Variants in SEPTIN9 observed in about 807,000 individuals in gnomAD.
SEPTIN9 encodes the protein septin-9.
In SEPTIN9, 13 loss-of-function variants were observed where a neutral mutation model predicts 56.6. That is an observed-to-expected ratio of 0.23 (90% CI 0.15 to 0.37). The LOEUF is 0.37. Ranked by LOEUF, SEPTIN9 falls within the 10% of genes least tolerant of loss-of-function variation. The pLI, the probability that SEPTIN9 is intolerant of heterozygous loss-of-function variation, is 1.00. For missense variants in SEPTIN9, 650 were observed against 823.1 expected, an observed-to-expected ratio of 0.79 and a Z score of 2.57; for synonymous variants, 332 against 334.1, an observed-to-expected ratio of 0.99 and a Z score of 0.07.
At chr17:77,459,929 G>A (rs907611213) in intron 3 of SEPTIN9, among the ~76,000 whole-genome samples, 1 of 152,090 alleles carries the variant, frequency 6.6e-6, no homozygotes, top group East Asian at 1.9e-4. Flanking sequence ...ACCCACCTTG[G>A]CCTCCCAAAG....
intron 2 of SEPTIN9, among the ~76,000 whole-genome samples, chr17:77,339,856 C>T (rs753220150): frequency 6.6e-5 from 10 of 151,526 alleles, no homozygotes; most frequent in South Asian, 2.1e-4. Context: ...GACAGAGTCT[C>T]GCTTTGTTGC....
rs769025074 is a variant in SEPTIN9 at position 77,488,723 on chromosome 17, G to A, written c.1125-4G>A. Reference sequence around the variant, plus strand: ...CTGCTGACTCGTCCCCATCCCCCACGCAGCTGGCAGCCCATCATGAAGTTC... The same window carrying A: ...CTGCTGACTCGTCCCCATCCCCCACACAGCTGGCAGCCCATCATGAAGTTC... On this transcript the variant is annotated splice_region_variant and splice_polypyrimidine_tract_variant and intron_variant, in intron 6 of 11. Coordinates refer to ENST00000427177, the MANE Select transcript of SEPTIN9 (RefSeq NM_001113491.2). 3 of 1,613,572 alleles carry A rather than the reference G, an allele frequency of 1.9e-6. No individual in the cohort carries two copies. Among genetic ancestry groups the A allele is most frequent in the South Asian group, 2.2e-5 (2 of 91,086 alleles).
chr17:77,336,755 A>G (rs918871201), intron 2 of SEPTIN9, among the ~76,000 whole-genome samples: 1 of 152,046 alleles, frequency 6.6e-6, no homozygotes, highest in Non-Finnish European at 1.5e-5. Context: ...CCAGTTCAGT[A>G]TTGAATAGTA....
rs1260983320 is a variant in SEPTIN9, at chr17:77,433,381, G to A, written c.721+30678G>A. On this transcript the variant is annotated intron_variant, in intron 3 of 11. Coordinates refer to ENST00000427177, the MANE Select transcript of SEPTIN9 (RefSeq NM_001113491.2). This position sits in a 1 kb window ranked among gnomAD's most constrained non-coding sequence, Gnocchi z 6.4. Reference sequence around the variant, plus strand: ...AAGGGGGTTCGCTAGGTCAGGGTGGGGCTGGGTGCGAGGACCCCCCCCGGC... The same window carrying A: ...AAGGGGGTTCGCTAGGTCAGGGTGGAGCTGGGTGCGAGGACCCCCCCCGGC... Among the ~76,000 whole-genome samples the A allele has an allele frequency of 1.3e-5, 2 of 150,490 alleles. No homozygotes were observed. The highest frequency in any genetic ancestry group is 2.1e-4 in the South Asian group (1 of 4,680).
intron 3 of SEPTIN9, among the ~76,000 whole-genome samples, chr17:77,447,927 A>G (rs536718833): frequency 6.6e-6 from 1 of 152,312 alleles, no homozygotes; most frequent in South Asian, 2.1e-4. Flanking sequence ...ACCTGGCCAC[A>G]TTCATTTCTT....
intron 1 of SEPTIN9, among the ~76,000 whole-genome samples, chr17:77,285,892 G>C (rs541112402): frequency 6.6e-6 from 1 of 152,222 alleles, no homozygotes; most frequent in Non-Finnish European, 1.5e-5. Context: ...CCAGCGCCCC[G>C]GGAGCTGACT....
Position 77,445,541 on chromosome 17 carries a change from C to T in SEPTIN9, c.722-36603C>T, listed in dbSNP as rs1440997083. On this transcript the variant is annotated intron_variant, in intron 3 of 11. Transcript: ENST00000427177. The surrounding 1 kb of genome is among the most constrained non-coding windows in gnomAD (Gnocchi z 4.7). Reference sequence around the variant, plus strand: ...GTGCACGCACGTGTGTGTGTGTGTGCGTGCGTGCTGGGTGGGTAGGGAGGA... The same window carrying T: ...GTGCACGCACGTGTGTGTGTGTGTGTGTGCGTGCTGGGTGGGTAGGGAGGA... 1.2e-4 allele frequency: 42 copies of T among 362,390 alleles called. No homozygotes were observed. The highest frequency in any genetic ancestry group is 3.8e-4 in the Middle Eastern group (1 of 2,598). 22.4% of individuals were successfully genotyped at this position (362,390 alleles called of 1,614,324 possible).
chr17:77,299,895 G>A (rs966412825), intron 1 of SEPTIN9, among the ~76,000 whole-genome samples: 1 of 152,214 alleles, frequency 6.6e-6, no homozygotes, highest in African/African-American at 2.4e-5. Context: ...CGGCCTCCAT[G>A]GGCCTTCTTT....
chr17:77,340,681 A>G (rs901512925), intron 2 of SEPTIN9, among the ~76,000 whole-genome samples: 3 of 152,190 alleles, frequency 2.0e-5, no homozygotes, highest in Admixed American at 6.5e-5. Flanking sequence ...TCTCCCCTCT[A>G]GCTATGAAAA....
chr17:77,302,898 G>A (rs919651055), intron 1 of SEPTIN9, among the ~76,000 whole-genome samples: 21 of 152,020 alleles, frequency 1.4e-4, no homozygotes, highest in Non-Finnish European at 2.8e-4. Flanking sequence ...TGCACAGGGC[G>A]CCCTAAGTTT....
chr17:77,364,099 G>T (rs1479717152), intron 2 of SEPTIN9, among the ~76,000 whole-genome samples: 1 of 152,196 alleles, frequency 6.6e-6, no homozygotes, highest in Non-Finnish European at 1.5e-5. Flanking sequence ...TGATCTGGCT[G>T]CCGGCTGGCT....
chr17:77,486,750 C>G (rs1365696768), intron 4 of SEPTIN9, among the ~76,000 whole-genome samples: 1 of 152,126 alleles, frequency 6.6e-6, no homozygotes, highest in Non-Finnish European at 1.5e-5. Flanking sequence ...CACCTGTGGA[C>G]TGGCTGTCTG....
chr17:77,461,762 C>T (rs1256050679), intron 3 of SEPTIN9, among the ~76,000 whole-genome samples: 2 of 152,196 alleles, frequency 1.3e-5, no homozygotes, highest in Non-Finnish European at 2.9e-5. Flanking sequence ...GTTGGCTCAC[C>T]TCATTACAGA....
At chr17:77,332,917 C>T (rs1292183889) in intron 2 of SEPTIN9, among the ~76,000 whole-genome samples, 4 of 152,176 alleles carry the variant, frequency 2.6e-5, no homozygotes, top group East Asian at 1.9e-4. Flanking sequence ...TATGAGTAAA[C>T]CTGTTACGCT....
intron 2 of SEPTIN9, among the ~76,000 whole-genome samples, chr17:77,348,302 T>TG (rs938014279): frequency 1.4e-5 from 2 of 144,376 alleles, no homozygotes; most frequent in East Asian, 2.0e-4. Context: ...ATGTTTTTTT[T>TG]TTTTTTTTTT....
At position 77,327,579 on chromosome 17, in the gene SEPTIN9, G is replaced by A. The variant is rs1407004566; in HGVS notation, c.76+20382G>A. On this transcript the variant is annotated intron_variant, in intron 2 of 11. Transcript: ENST00000427177. This position sits in a 1 kb window ranked among gnomAD's most constrained non-coding sequence, Gnocchi z 5.0. ...GGCTGGGTATGGGAGGGGATCGTGG[G>A]TGGGGAGATTCCTCTTAACCAGCGG... 2.0e-5 allele frequency among the ~76,000 whole-genome samples: 3 copies of A among 152,162 alleles called. No homozygotes were observed. The highest frequency in any genetic ancestry group is 7.2e-5 in the African/African-American group (3 of 41,452).
At chr17:77,481,953 T>G in intron 3 of SEPTIN9, 191 bp from the exon 4 acceptor site, 1 of 609,484 alleles carries the variant, frequency 1.6e-6, no homozygotes. Flanking sequence ...GGATGGCAGC[T>G]TTTTAGAGGA....
In SEPTIN9 at chr17:77,449,933, G is replaced by A. The variant is rs2037901366; in HGVS notation, c.722-32211G>A. Among the ~76,000 whole-genome samples, 1 of 152,170 alleles carries A rather than the reference G, an allele frequency of 6.6e-6. No individual in the cohort carries two copies. Among genetic ancestry groups the A allele is most frequent in the East Asian group, 1.9e-4 (1 of 5,194 alleles). On this transcript the variant is annotated intron_variant, in intron 3 of 11. Coordinates refer to ENST00000427177, the MANE Select transcript of SEPTIN9 (RefSeq NM_001113491.2). The surrounding 1 kb of genome is among the most constrained non-coding windows in gnomAD (Gnocchi z 4.6). Reference sequence around the variant, plus strand: ...AAATTCCACAGATATTGAGTGACAGGCCCAGGGCCTTGGATTTCAGTGTTT... The same window carrying A: ...AAATTCCACAGATATTGAGTGACAGACCCAGGGCCTTGGATTTCAGTGTTT...
At chr17:77,376,427 C>T in intron 2 of SEPTIN9, 1 of 981,636 alleles carries the variant, frequency 1.0e-6, no homozygotes, top group Non-Finnish European at 1.2e-6. Flanking sequence ...GAGGAAACTG[C>T]CAGCTCCTTA....
Sources: gnomAD v4.1 joint callset for allele counts (sites outside exome capture counted in the v4.1 genomes callset) on GRCh38, gnomAD v4.1.1 for gene constraint, Gnocchi (gnomAD v3.1) non-coding constraint, MANE v1.5 for transcripts, NCBI Gene and HGNC (gene_info 2026-07-23, HGNC 2026-07-21) for gene names.